Variants in PTPRR observed in about 807,000 individuals in gnomAD.
PTPRR encodes the protein receptor-type tyrosine-protein phosphatase R.
A neutral mutation model predicts 77.2 loss-of-function variants in PTPRR; 38 were observed. The observed-to-expected ratio is 0.49, with a 90% CI of 0.38 to 0.65. The LOEUF is 0.65. Ranked by LOEUF, PTPRR falls within the 30% of genes least tolerant of loss-of-function variation. The pLI, the probability that PTPRR is intolerant of heterozygous loss-of-function variation, is 0.00. For synonymous variants in PTPRR, 299 were observed against 283.1 expected (o/e 1.06, Z -0.57); for missense variants, 744 against 799.2 (o/e 0.93, Z 0.83).
intron 2 of PTPRR, among the ~76,000 whole-genome samples, chr12:70,852,155 T>G (rs981182901): frequency 6.6e-6 from 1 of 152,120 alleles, no homozygotes; most frequent in African/African-American, 2.4e-5. Context: ...TGAGACCAGA[T>G]GCTTTAAAAA....
intron 2 of PTPRR, among the ~76,000 whole-genome samples, chr12:70,856,893 G>A (rs986913371): frequency 4.6e-5 from 7 of 151,872 alleles, no homozygotes; most frequent in African/African-American, 1.5e-4. Flanking sequence ...TACTCTATAT[G>A]CCTATATGCT....
chr12:70,863,702 A>T (rs1892792540), intron 2 of PTPRR, among the ~76,000 whole-genome samples: 3 of 152,156 alleles, frequency 2.0e-5, no homozygotes, highest in African/African-American at 7.2e-5. Flanking sequence ...GCTTCATAAC[A>T]GGGTGAAATA....
chr12:70,904,294 C>T (rs575464321), intron 1 of PTPRR, among the ~76,000 whole-genome samples: 8 of 151,812 alleles, frequency 5.3e-5, no homozygotes, highest in East Asian at 3.9e-4. Context: ...TAATTGCCCC[C>T]AAATGGAAAC....
chr12:70,647,508 T>C (rs1421645368), intron 13 of PTPRR, among the ~76,000 whole-genome samples: 1 of 152,252 alleles, frequency 6.6e-6, no homozygotes, highest in Non-Finnish European at 1.5e-5. Flanking sequence ...TAAATGACCT[T>C]CTGTCACTAT....
intron 2 of PTPRR, among the ~76,000 whole-genome samples, chr12:70,865,498 C>T (rs1186975946): frequency 1.3e-5 from 2 of 152,060 alleles, no homozygotes; most frequent in Non-Finnish European, 2.9e-5. Context: ...ATGAGAAATG[C>T]CTCGCCTAGG....
intron 2 of PTPRR, among the ~76,000 whole-genome samples, chr12:70,886,122 C>T (rs1285745067): frequency 2.0e-5 from 3 of 152,090 alleles, no homozygotes; most frequent in East Asian, 3.9e-4. Flanking sequence ...CTAGCTTTTC[C>T]AGAGTGCATT....
At chr12:70,897,414 T>C (rs984638343) in intron 1 of PTPRR, among the ~76,000 whole-genome samples, 1 of 151,958 alleles carries the variant, frequency 6.6e-6, no homozygotes, top group African/African-American at 2.4e-5. Context: ...ATGCTCATCA[T>C]CACTGGCCAT....
At chr12:70,675,488 A>G (rs117275419) in intron 10 of PTPRR, among the ~76,000 whole-genome samples, 1 of 152,010 alleles carries the variant, frequency 6.6e-6, no homozygotes, top group South Asian at 2.1e-4. Flanking sequence ...ATGCATATTT[A>G]CCTAAAAGTC....
intron 2 of PTPRR, among the ~76,000 whole-genome samples, chr12:70,827,988 G>C (rs1161880883): frequency 6.6e-6 from 1 of 151,932 alleles, no homozygotes; most frequent in Non-Finnish European, 1.5e-5. Context: ...CCAAAGTGTT[G>C]GGATTACAGG....
chr12:70,684,811 T>A (rs1015129621), intron 8 of PTPRR, 28 bp from the exon 9 acceptor site: 1 of 1,488,250 alleles, frequency 6.7e-7, no homozygotes, highest in African/African-American at 1.4e-5. Context: ...AAAGAATATA[T>A]TAAACAGATT....
chr12:70,835,568 C>T (rs994179726), intron 2 of PTPRR, among the ~76,000 whole-genome samples: 1 of 152,054 alleles, frequency 6.6e-6, no homozygotes, highest in Non-Finnish European at 1.5e-5. Flanking sequence ...TCATGTATTC[C>T]ATGAACACTG....
chr12:70,664,099 C>T (rs942374104), intron 10 of PTPRR, among the ~76,000 whole-genome samples: 53 of 152,280 alleles, frequency 3.5e-4, no homozygotes, highest in African/African-American at 1.2e-3. Flanking sequence ...AATAAAAACA[C>T]ATTTACATCC....
chr12:70,673,031 CAAAAAA>C (rs1229938892), intron 10 of PTPRR: 236 of 457,770 alleles, frequency 5.2e-4, no homozygotes, highest in Middle Eastern at 1.0e-3. Flanking sequence ...CGGGCCAAAG[CAAAAAA>C]AAAAAAAAAA....
chr12:70,785,388 C>T (rs1254842946), intron 2 of PTPRR, among the ~76,000 whole-genome samples: 1 of 152,134 alleles, frequency 6.6e-6, no homozygotes, highest in Admixed American at 6.5e-5. Context: ...CCTTTCACAT[C>T]CCCTAATAAC....
intron 2 of PTPRR, among the ~76,000 whole-genome samples, chr12:70,842,517 C>A (rs73332114): frequency 1.3e-5 from 2 of 152,122 alleles, no homozygotes; most frequent in Non-Finnish European, 1.5e-5. Context: ...CTTCCTCCCC[C>A]CAAAAATGGA....
chr12:70,670,680 C>T (rs927555363), intron 10 of PTPRR, among the ~76,000 whole-genome samples: 6 of 152,110 alleles, frequency 3.9e-5, no homozygotes, highest in African/African-American at 1.2e-4. Context: ...GGCTTTGTTT[C>T]GCTGGAAGTG....
intron 2 of PTPRR, among the ~76,000 whole-genome samples, chr12:70,765,206 G>C (rs1023461892): frequency 5.9e-5 from 9 of 152,196 alleles, no homozygotes; most frequent in African/African-American, 2.2e-4. Flanking sequence ...GCAGGGTGAG[G>C]CATTGCCTCA....
At position 70,765,276 on chromosome 12, in the gene PTPRR, C is replaced by T. The variant is rs376306032; in HGVS notation, c.358-498G>A. On this transcript the variant is annotated intron_variant, in intron 2 of 13. Transcript: ENST00000283228. The stretch of plus-strand genomic sequence containing the variant: ...CCTATTCAAAGAAAGGGGTGACAGA[C>T]GGCACCTGGAAAATCGGGTCACTCC... 1.3e-3 allele frequency among the ~76,000 whole-genome samples: 198 copies of T among 152,290 alleles called. 1 individual carries two copies. Among genetic ancestry groups the T allele is most frequent in the African/African-American group, 4.3e-3 (180 of 41,560 alleles).
intron 2 of PTPRR, among the ~76,000 whole-genome samples, chr12:70,840,466 T>C (rs1044330797): frequency 6.6e-6 from 1 of 152,138 alleles, no homozygotes; most frequent in African/African-American, 2.4e-5. Flanking sequence ...AAGCAACACA[T>C]TCGCAGTTCC....
Sources: gnomAD v4.1 joint callset for allele counts (sites outside exome capture counted in the v4.1 genomes callset) on GRCh38, gnomAD v4.1.1 for gene constraint, MANE v1.5 for transcripts, NCBI Gene and HGNC (gene_info 2026-07-23, HGNC 2026-07-21) for gene names.